NBEA: variants seen among roughly 807,000 people sequenced by gnomAD.
The protein encoded by NBEA is lysosomal-trafficking regulator 2.
A neutral mutation model predicts 343.4 loss-of-function variants in NBEA; 44 were observed. The ratio of observed to expected loss-of-function variants is 0.13; its 90% CI spans 0.10 to 0.16. The LOEUF is 0.16. NBEA is among the 10% of genes least tolerant of loss of function. The pLI, the probability that NBEA is intolerant of heterozygous loss-of-function variation, is 1.00. For synonymous variants in NBEA, 1,175 were observed against 1,238.7 expected (o/e 0.95, Z 1.08); for missense variants, 2,555 against 3,631.3 (o/e 0.70, Z 7.62).
chr13:34,974,933 G>GA (rs898970856), intron 1 of NBEA, among the ~76,000 whole-genome samples: 2 of 152,222 alleles, frequency 1.3e-5, no homozygotes, highest in Admixed American at 6.5e-5. Flanking sequence ...CTTGTCAGGA[G>GA]AAAAAATAGA....
chr13:35,389,429 T>G (rs894326303), intron 38 of NBEA, among the ~76,000 whole-genome samples: 3 of 152,174 alleles, frequency 2.0e-5, no homozygotes. Context: ...ATTATTTAAA[T>G]TCTAGAAATT....
intron 38 of NBEA, among the ~76,000 whole-genome samples, chr13:35,394,859 G>A (rs117961002): frequency 0.03 from 4,489 of 151,884 alleles, 102 homozygotes; most frequent in Non-Finnish European, 0.045. Flanking sequence ...ATTGGTTTTA[G>A]ATCTTTCTAC....
intron 36 of NBEA, among the ~76,000 whole-genome samples, chr13:35,318,942 G>A (rs1359810342): frequency 6.6e-6 from 1 of 152,078 alleles, no homozygotes. Flanking sequence ...TGGGATCAGT[G>A]TGATATCCTC....
chr13:35,406,104 G>A (rs528550390), intron 38 of NBEA, among the ~76,000 whole-genome samples: 1 of 152,146 alleles, frequency 6.6e-6, no homozygotes, highest in East Asian at 1.9e-4. Context: ...CCACATTTGT[G>A]GTAATAGAGA....
chr13:35,048,996 C>T (rs1192173843), intron 5 of NBEA, among the ~76,000 whole-genome samples: 1 of 151,686 alleles, frequency 6.6e-6, no homozygotes, highest in East Asian at 1.9e-4. Context: ...GATTGCTGGT[C>T]CCTGAAAAAA....
At chr13:35,349,275 T>A in intron 37 of NBEA, 59 bp downstream of exon 37, 1 of 868,340 alleles carries the variant, frequency 1.2e-6, no homozygotes, top group Non-Finnish European at 1.7e-6. Flanking sequence ...AAATCACCTA[T>A]CTGTGACCTT....
chr13:34,965,668 A>C (rs1025425468), intron 1 of NBEA, among the ~76,000 whole-genome samples: 2 of 151,972 alleles, frequency 1.3e-5, no homozygotes, highest in African/African-American at 2.4e-5. Flanking sequence ...ACTCACATCT[A>C]TCTCTCAACC....
rs1169580633 is a variant in NBEA, at chr13:35,539,903, A to T, written c.6586-10574A>T. On this transcript the variant is annotated intron_variant, in intron 41 of 58. Coordinates refer to ENST00000379939, the MANE Select transcript of NBEA (RefSeq NM_001385012.1). ...TGCACTCCAGCCTGGGCGACAGAGC[A>T]AGACTCCGTCTCAAAAAAAAAAAAA... 1.3e-3 allele frequency among the ~76,000 whole-genome samples: 154 copies of T among 118,374 alleles called. 1 individual carries two copies. The Middle Eastern group carries it at 0.014, about 10-fold the overall frequency. 77.7% of individuals were successfully genotyped at this position (118,374 alleles called of 152,430 possible).
intron 34 of NBEA, among the ~76,000 whole-genome samples, chr13:35,286,423 T>C (rs1265545836): frequency 6.6e-6 from 1 of 152,088 alleles, no homozygotes; most frequent in Non-Finnish European, 1.5e-5. Flanking sequence ...TAAAGAAAAC[T>C]TTGACATTTA....
At chr13:35,216,954 G>A (rs113117895) in intron 33 of NBEA, among the ~76,000 whole-genome samples, 5,850 of 151,984 alleles carry the variant, frequency 0.038, 157 homozygotes, top group Non-Finnish European at 0.06. Context: ...TATATGATTA[G>A]TTTTATAAGA....
intron 38 of NBEA, among the ~76,000 whole-genome samples, chr13:35,424,481 C>T (rs2044515713): frequency 6.6e-6 from 1 of 152,100 alleles, no homozygotes; most frequent in Non-Finnish European, 1.5e-5. Context: ...AACCAGCCTT[C>T]TATCCCAGGG....
At chr13:35,106,972 T>C (rs955724925) in intron 11 of NBEA, among the ~76,000 whole-genome samples, 1 of 151,918 alleles carries the variant, frequency 6.6e-6, no homozygotes, top group African/African-American at 2.4e-5. Flanking sequence ...TCTGGTCACC[T>C]AGCATGTTTA....
chr13:35,620,936 C>G (rs2082960027), intron 48 of NBEA, among the ~76,000 whole-genome samples: 1 of 152,072 alleles, frequency 6.6e-6, no homozygotes, highest in Non-Finnish European at 1.5e-5. Context: ...ATAGATAAAT[C>G]CATCTTAGCA....
intron 1 of NBEA, among the ~76,000 whole-genome samples, chr13:35,000,963 T>TTG (rs1566145427): frequency 1.2e-4 from 19 of 152,082 alleles, no homozygotes; most frequent in African/African-American, 4.3e-4. Context: ...TTGGTTTTTT[T>TTG]TTGTTGTTGT....
intron 18 of NBEA, among the ~76,000 whole-genome samples, chr13:35,143,733 T>A (rs904673874): frequency 2.0e-5 from 3 of 151,962 alleles, no homozygotes. Context: ...GTACTATAAT[T>A]TTGAATTAAC....
chr13:35,555,709 T>A (rs2079544078), intron 44 of NBEA, among the ~76,000 whole-genome samples: 1 of 152,006 alleles, frequency 6.6e-6, no homozygotes, highest in Non-Finnish European at 1.5e-5. Context: ...TCTTTTTTCT[T>A]AAGTTAAGCT....
At chr13:35,082,866 G>A (rs1361662516) in intron 10 of NBEA, among the ~76,000 whole-genome samples, 3 of 152,094 alleles carry the variant, frequency 2.0e-5, no homozygotes, top group Non-Finnish European at 4.4e-5. Flanking sequence ...CATTCTGTAG[G>A]TGGCCTGTTC....
chr13:35,125,858 A>G (rs2067104882), intron 17 of NBEA, among the ~76,000 whole-genome samples: 1 of 151,732 alleles, frequency 6.6e-6, no homozygotes, highest in Non-Finnish European at 1.5e-5. Context: ...ACATACATAC[A>G]TAGCTTCTGA....
intron 38 of NBEA, among the ~76,000 whole-genome samples, chr13:35,390,016 T>G (rs1202307767): frequency 1.4e-5 from 2 of 138,576 alleles, no homozygotes; most frequent in Non-Finnish European, 3.2e-5. Flanking sequence ...CTCAGTACTC[T>G]CTGATATATC....
Sources: allele counts gnomAD v4.1 joint callset (sites outside exome capture counted in the v4.1 genomes callset), GRCh38; gene constraint gnomAD v4.1.1; transcripts MANE v1.5; gene names NCBI Gene and HGNC (gene_info 2026-07-23, HGNC 2026-07-21).